VAV2: variants seen among roughly 807,000 people sequenced by gnomAD.
VAV2 encodes the protein vav guanine nucleotide exchange factor 2.
In VAV2, 67 loss-of-function variants were observed where a neutral mutation model predicts 132.5. That is an observed-to-expected ratio of 0.51 (90% CI 0.42 to 0.62). The LOEUF (loss-of-function observed/expected upper bound fraction) is 0.62. VAV2 is among the 20% of genes least tolerant of loss of function. The pLI is 0.00. For synonymous variants in VAV2, 492 were observed against 443.5 expected (o/e 1.11, Z -1.37); for missense variants, 938 against 1,153.6 (o/e 0.81, Z 2.71).
intron 9 of VAV2, among the ~76,000 whole-genome samples, chr9:133,801,251 C>T (rs1036492329): frequency 1.3e-5 from 2 of 152,230 alleles, no homozygotes; most frequent in Admixed American, 6.5e-5. Context: ...AAAGACAGAC[C>T]TCCATGAAGA....
intron 4 of VAV2, among the ~76,000 whole-genome samples, chr9:133,817,321 C>T (rs994640840): frequency 1.3e-5 from 2 of 152,200 alleles, no homozygotes; most frequent in African/African-American, 4.8e-5. Context: ...AGGCTCTGTC[C>T]CTTCTTTCCA....
Position 133,768,519 on chromosome 9 carries a change from G to A in VAV2, c.2512C>T (p.Arg838Trp), listed in dbSNP as rs756471330. 39 of 1,613,802 alleles carry A rather than the reference G, an allele frequency of 2.4e-5. No homozygotes were observed. The highest frequency in any genetic ancestry group is 1.6e-4 in the South Asian group (15 of 91,058). The change falls in exon 29 of 30, where the codon CGG becomes TGG. Residue 838 changes from arginine (R) to tryptophan (W), a missense_variant. By Grantham distance (101) the Arg-to-Trp change is moderately radical. Transcript: ENST00000371850. The surrounding 1 kb of genome is among the most constrained non-coding windows in gnomAD (Gnocchi z 5.3). Reference protein sequence around the residue: ...AARDMRELSLREGDVVRIYSR... With the variant: ...AARDMRELSLWEGDVVRIYSR... ...TAGATCCTCACCACGTCACCCTCCC[G>A]CAGCGAAAGCTCCCTCATATCTCGG... is the stretch of plus-strand genomic sequence containing the variant.
chr9:133,880,286 G>A (rs918086981), intron 2 of VAV2, among the ~76,000 whole-genome samples: 2 of 152,208 alleles, frequency 1.3e-5, no homozygotes, highest in East Asian at 3.9e-4. Flanking sequence ...GAGGGAGAGT[G>A]GGCAGGAAGC....
intron 12 of VAV2, 67 bp from the exon 13 acceptor site, chr9:133,791,936 C>A (rs1028101412): frequency 3.4e-6 from 4 of 1,168,556 alleles, no homozygotes; most frequent in Non-Finnish European, 4.9e-6. Context: ...TGTGTGTAAG[C>A]AGGCTGTACT....
chr9:133,889,672 G>A (rs1030836241), intron 2 of VAV2, among the ~76,000 whole-genome samples: 2 of 152,138 alleles, frequency 1.3e-5, no homozygotes, highest in Non-Finnish European at 1.5e-5. Context: ...CTCAGCGACC[G>A]AGTGCGTCAT....
intron 3 of VAV2, among the ~76,000 whole-genome samples, chr9:133,853,395 C>T (rs1280805281): frequency 1.3e-5 from 2 of 152,124 alleles, no homozygotes; most frequent in African/African-American, 4.8e-5. Flanking sequence ...TAGGCCAGGT[C>T]TAGTGCATGG....
intron 2 of VAV2, among the ~76,000 whole-genome samples, chr9:133,866,615 C>A (rs909158508): frequency 5.3e-5 from 8 of 152,082 alleles, no homozygotes; most frequent in South Asian, 2.1e-4. Flanking sequence ...ACCAGCCTGG[C>A]CAACATGGTG....
At chr9:133,778,318 C>A (rs1833887172) in intron 22 of VAV2, among the ~76,000 whole-genome samples, 1 of 152,166 alleles carries the variant, frequency 6.6e-6, no homozygotes, top group Non-Finnish European at 1.5e-5. Context: ...AGGAGCGAAC[C>A]TGCCCGCTCA....
chr9:133,952,943 C>T (rs1290767682), intron 1 of VAV2, among the ~76,000 whole-genome samples: 1 of 148,800 alleles, frequency 6.7e-6, no homozygotes, highest in Non-Finnish European at 1.5e-5. Flanking sequence ...CCCCGGGACA[C>T]CTAGAACCTG....
intron 1 of VAV2, among the ~76,000 whole-genome samples, chr9:133,946,480 T>A (rs1483650892): frequency 6.6e-6 from 1 of 152,252 alleles, no homozygotes; most frequent in Non-Finnish European, 1.5e-5. Context: ...GGTCTCCATG[T>A]GCAGCCTCCA....
At chr9:133,986,468 G>A (rs146971555) in intron 1 of VAV2, among the ~76,000 whole-genome samples, 300 of 152,334 alleles carry the variant, frequency 2.0e-3, no homozygotes, top group African/African-American at 6.4e-3. Flanking sequence ...GGACAATTGT[G>A]GAGAAGTGGA....
At chr9:133,886,734 C>T (rs1308220111) in intron 2 of VAV2, among the ~76,000 whole-genome samples, 2 of 152,240 alleles carry the variant, frequency 1.3e-5, no homozygotes, top group East Asian at 3.8e-4. Context: ...GCAACACCCA[C>T]GTCCAGAACA....
At chr9:133,832,982 C>T (rs77693529) in intron 4 of VAV2, among the ~76,000 whole-genome samples, 2 of 152,268 alleles carry the variant, frequency 1.3e-5, no homozygotes, top group African/African-American at 2.4e-5. Flanking sequence ...CTTTAAGATG[C>T]TCTACAACCC....
chr9:133,878,743 G>A (rs1166910537), intron 2 of VAV2, among the ~76,000 whole-genome samples: 2 of 152,158 alleles, frequency 1.3e-5, no homozygotes, highest in African/African-American at 4.8e-5. Flanking sequence ...CCACGTCCCC[G>A]CCACCCACAC....
At chr9:133,902,164 A>G (rs1286104651) in intron 2 of VAV2, among the ~76,000 whole-genome samples, 2 of 152,024 alleles carry the variant, frequency 1.3e-5, no homozygotes, top group Non-Finnish European at 2.9e-5. Flanking sequence ...TCCCCCTGCA[A>G]TTGGCCTCCC....
chr9:133,776,125 C>T, intron 23 of VAV2, 45 bp from the exon 24 acceptor site: 3 of 1,606,932 alleles, frequency 1.9e-6, no homozygotes, highest in Non-Finnish European at 2.5e-6. Context: ...CAGGGCCACT[C>T]ACAGAGCAGG....
At chr9:133,860,951 C>A (rs914703958) in intron 3 of VAV2, among the ~76,000 whole-genome samples, 1 of 152,150 alleles carries the variant, frequency 6.6e-6, no homozygotes, top group Non-Finnish European at 1.5e-5. Flanking sequence ...TTGTCCAGTG[C>A]CCTGCACAGG....
In VAV2 at chr9:133,884,785, T is replaced by C. The variant is rs1838636261; in HGVS notation, c.322-23353A>G. On this transcript the variant is annotated intron_variant, in intron 2 of 29. Coordinates refer to ENST00000371850, the MANE Select transcript of VAV2 (RefSeq NM_001134398.2). This position sits in a 1 kb window ranked among gnomAD's most constrained non-coding sequence, Gnocchi z 5.3. The stretch of plus-strand genomic sequence containing the variant: ...CTTGACGGCTCCGTGAGAATGCTGG[T>C]AGGGAGCAGAACCAAACACCCAGGG... Among the ~76,000 whole-genome samples the C allele has an allele frequency of 6.6e-6, 1 of 152,090 alleles. No individual in the cohort carries two copies. Among genetic ancestry groups the C allele is most frequent in the Non-Finnish European group, 1.5e-5 (1 of 68,006 alleles).
intron 1 of VAV2, among the ~76,000 whole-genome samples, chr9:133,971,742 G>GCTGTCAACAAAACCCACAGC (rs1842340803): frequency 6.6e-6 from 1 of 152,124 alleles, no homozygotes; most frequent in South Asian, 2.1e-4. Context: ...CGGGTCCCCA[G>GCTGTCAACAAAACCCACAGC]CTGTCAACAA....
Sources: allele counts gnomAD v4.1 joint callset (sites outside exome capture counted in the v4.1 genomes callset), GRCh38; gene constraint gnomAD v4.1.1; non-coding constraint Gnocchi (gnomAD v3.1); transcripts MANE v1.5; gene names NCBI Gene and HGNC (gene_info 2026-07-23, HGNC 2026-07-21).